The following SAMD8 variants were observed in gnomAD, a reference collection of about 807,000 sequenced individuals.
The protein encoded by SAMD8 is sphingomyelin synthase-related protein 1.
Under a neutral mutation model 42.0 loss-of-function variants are expected in SAMD8, and 20 were observed. The observed-to-expected ratio is 0.48, with a 90% CI of 0.34 to 0.69. SAMD8 has a LOEUF of 0.69. Ranked by LOEUF, SAMD8 falls within the 30% of genes least tolerant of loss-of-function variation. SAMD8 has a pLI of 0.01. For missense variants in SAMD8, 328 were observed against 511.6 expected (o/e 0.64, Z 3.46); for synonymous variants, 162 against 173.0 (o/e 0.94, Z 0.50).
chr10:75,100,243 G>A (rs1421259440), intron 1 of SAMD8, among the ~76,000 whole-genome samples: 1 of 152,136 alleles, frequency 6.6e-6, no homozygotes, highest in Non-Finnish European at 1.5e-5. Context: ...GCATGCCTCT[G>A]CCTCCGAGGG....
intron 1 of SAMD8, among the ~76,000 whole-genome samples, chr10:75,114,731 T>C (rs775229812): frequency 2.0e-5 from 3 of 152,222 alleles, no homozygotes; most frequent in Non-Finnish European, 4.4e-5. Context: ...AATTGTTGGG[T>C]GTACCTAGCA....
At chr10:75,123,813 G>C (rs1402027591) in intron 1 of SAMD8, among the ~76,000 whole-genome samples, 2 of 151,650 alleles carry the variant, frequency 1.3e-5, no homozygotes, top group South Asian at 2.1e-4. Flanking sequence ...GCCTCAGCCT[G>C]AGAGTAGCTA....
rs776395974 is a variant in SAMD8 at position 75,146,189 on chromosome 10, C to T, written c.-15-4325C>T. The stretch of plus-strand genomic sequence containing the variant: ...CTGTGCCTCTTGTGGCTGGGAAACT[C>T]AAGGCCGTAACCTGGGGCAGTAGGG... On this transcript the variant is annotated intron_variant, in intron 1 of 5. Transcript: ENST00000542569. Among the ~76,000 whole-genome samples, 83 of 151,046 alleles carry T rather than the reference C, an allele frequency of 5.5e-4. 1 individual carries two copies. Among genetic ancestry groups the T allele is most frequent in the Non-Finnish European group, 1.1e-3 (77 of 67,772 alleles).
upstream of SAMD8, chr10:75,111,518 T>C: frequency 5.7e-6 from 7 of 1,230,312 alleles, no homozygotes; most frequent in Non-Finnish European, 7.1e-6. Flanking sequence ...TCCGAGCAGC[T>C]GCCGGCGCGG....
chr10:75,118,651 A>G (rs537185601), intron 1 of SAMD8, among the ~76,000 whole-genome samples: 36 of 152,376 alleles, frequency 2.4e-4, no homozygotes, highest in South Asian at 2.3e-3. Context: ...CTCAAAAAAG[A>G]AAAAGAAAAA....
At chr10:75,123,094 A>T (rs1849041634) in intron 1 of SAMD8, among the ~76,000 whole-genome samples, 1 of 152,018 alleles carries the variant, frequency 6.6e-6, no homozygotes, top group Admixed American at 6.6e-5. Context: ...CAGGTGGAGA[A>T]GGGTTAAGTT....
At chr10:75,106,221 C>T (rs867228867) in intron 1 of SAMD8, among the ~76,000 whole-genome samples, 2 of 150,614 alleles carry the variant, frequency 1.3e-5, no homozygotes, top group African/African-American at 2.4e-5. Flanking sequence ...GGATTACAGG[C>T]GTGAGACACC....
chr10:75,105,940 A>G lies in SAMD8; in HGVS notation c.-16+6212A>G, dbSNP rs1848474946. ...ACCCACGGGCTGGGATGGGGACCCA[A>G]GTTCCTTTCCTGACCCTGCCTTGGG... On this transcript the variant is annotated intron_variant, in intron 1 of 3. Coordinates refer to the SAMD8 transcript ENST00000447533. 3 of 1,439,024 alleles carry G rather than the reference A, an allele frequency of 2.1e-6. No homozygotes were observed. In the East Asian group the frequency reaches 7.5e-5, roughly 36 times the overall value. 89.1% of individuals were successfully genotyped at this position (1,439,024 alleles called of 1,614,324 possible).
At chr10:75,169,735 T>C (rs1840802469) in intron 4 of SAMD8, among the ~76,000 whole-genome samples, 1 of 152,046 alleles carries the variant, frequency 6.6e-6, no homozygotes, top group South Asian at 2.1e-4. Context: ...GCCAACATGG[T>C]GCAGTCTACT....
In SAMD8 at chr10:75,159,743, C is replaced by T. The variant is rs553277074; in HGVS notation, c.579-4902C>T. On this transcript the variant is annotated intron_variant, in intron 2 of 5. Transcript: ENST00000542569. ...GTCCCAAATTACCCATAAGCCTGAG[C>T]GAAAGTTACCCTTTCCTGAGTTCTC... Among the ~76,000 whole-genome samples, 13 of 152,272 alleles carry T rather than the reference C, an allele frequency of 8.5e-5. No individual in the cohort carries two copies. In the East Asian group the frequency reaches 9.7e-4, roughly 11 times the overall value.
intron 3 of SAMD8, among the ~76,000 whole-genome samples, chr10:75,168,147 C>T (rs1840737136): frequency 6.6e-6 from 1 of 152,128 alleles, no homozygotes; most frequent in Non-Finnish European, 1.5e-5. Context: ...CAGGCACACA[C>T]CACCACGCCT....
intron 1 of SAMD8, 58 bp downstream of exon 1, chr10:75,111,780 T>G (rs1393464868): frequency 1.9e-5 from 23 of 1,227,858 alleles, no homozygotes; most frequent in Middle Eastern, 5.1e-4. Flanking sequence ...CTGCCAAGGG[T>G]GAGTGGGGAG....
chr10:75,109,481 A>G (rs552767367), upstream of SAMD8, among the ~76,000 whole-genome samples: 32 of 152,336 alleles, frequency 2.1e-4, no homozygotes, highest in Non-Finnish European at 4.3e-4. Context: ...GGTCTGACAC[A>G]TAGTAGGTGC....
intron 2 of SAMD8, among the ~76,000 whole-genome samples, chr10:75,154,209 A>G (rs997852460): frequency 2.6e-5 from 4 of 152,220 alleles, no homozygotes; most frequent in South Asian, 2.1e-4. Context: ...AATTAACCTA[A>G]TTATAAAATT....
intron 1 of SAMD8, among the ~76,000 whole-genome samples, chr10:75,122,127 T>A (rs757064136): frequency 1.3e-5 from 2 of 152,226 alleles, no homozygotes. Flanking sequence ...TCTCTCTGAT[T>A]ATAAGTATTA....
At chr10:75,158,248 T>C (rs1206145115) in intron 2 of SAMD8, among the ~76,000 whole-genome samples, 3 of 151,354 alleles carry the variant, frequency 2.0e-5, no homozygotes, top group African/African-American at 7.3e-5. Flanking sequence ...AAACAAAGCA[T>C]AGTGGGAGAG....
chr10:75,134,790 C>T (rs535668351), intron 1 of SAMD8, among the ~76,000 whole-genome samples: 10 of 152,214 alleles, frequency 6.6e-5, no homozygotes, highest in Middle Eastern at 3.4e-3. Context: ...GGTGTGGTGG[C>T]TTATGCCTGT....
At chr10:75,124,449 G>A (rs1589938114) in intron 1 of SAMD8, among the ~76,000 whole-genome samples, 1 of 151,892 alleles carries the variant, frequency 6.6e-6, no homozygotes, top group Admixed American at 6.6e-5. Context: ...CCTGTCTCTA[G>A]TAAAAATACA....
In SAMD8 at chr10:75,178,728, C is replaced by G. The variant is rs1274645268; in HGVS notation, c.*2036C>G. 6.6e-6 allele frequency: 1 copy of G among 152,202 alleles called. No individual in the cohort carries two copies. The highest frequency in any genetic ancestry group is 1.5e-5 in the Non-Finnish European group (1 of 68,110). 9.4% of individuals were successfully genotyped at this position (152,202 alleles called of 1,614,324 possible). ...TTCCAGCCCGGGCAAGGTAGCAAGACCCATTCTCTTAAAAACATGGCTGGG... is the reference window on the plus strand; with the variant it reads ...TTCCAGCCCGGGCAAGGTAGCAAGAGCCATTCTCTTAAAAACATGGCTGGG... On this transcript the variant is annotated 3_prime_UTR_variant, in exon 6 of 6. Coordinates refer to ENST00000542569, the MANE Select transcript of SAMD8 (RefSeq NM_001174156.2).
Sources: allele counts gnomAD v4.1 joint callset (sites outside exome capture counted in the v4.1 genomes callset), GRCh38; gene constraint gnomAD v4.1.1; transcripts MANE v1.5; gene names NCBI Gene and HGNC (gene_info 2026-07-23, HGNC 2026-07-21).